Variants in EMILIN2 observed in about 807,000 individuals in gnomAD.
EMILIN2 encodes the protein elastin microfibril interfacer 2.
A neutral mutation model predicts 87.1 loss-of-function variants in EMILIN2; 71 were observed. The observed-to-expected ratio is 0.82, with a 90% CI of 0.67 to 0.99. The LOEUF (loss-of-function observed/expected upper bound fraction) is 0.99. EMILIN2 is among the 50% of genes least tolerant of loss of function. EMILIN2 has a pLI of 0.00. For missense variants in EMILIN2, 1,407 were observed against 1,371.8 expected (o/e 1.03, Z -0.40); for synonymous variants, 581 against 563.4 (o/e 1.03, Z -0.44).
At chr18:2,885,171 C>G (rs368143576) in intron 3 of EMILIN2, 32 bp downstream of exon 3, 2 of 1,540,232 alleles carry the variant, frequency 1.3e-6, no homozygotes, top group East Asian at 4.6e-5. Flanking sequence ...TATGTATGGC[C>G]ACCTTTAATA....
In EMILIN2 at chr18:2,907,078, C is replaced by T; in HGVS notation, c.2655C>T (p.Gly885=). ...TCCCCGGCGCAGAAGGCTTCGCGGGCGCACCAGGTGAGGCCCGGGGCTGCG... is the reference window on the plus strand; with the variant it reads ...TCCCCGGCGCAGAAGGCTTCGCGGGTGCACCAGGTGAGGCCCGGGGCTGCG... ...GTVPGAEGFA[G]APGYPKSPPV... is the part of the protein sequence containing the mutation. The change falls in exon 5 of 8, where the codon GGC becomes GGT. Residue 885 remains glycine (G), a synonymous_variant. Coordinates refer to ENST00000254528, the MANE Select transcript of EMILIN2 (RefSeq NM_032048.3). 1.6e-6 allele frequency: 2 copies of T among 1,253,272 alleles called. No individual in the cohort carries two copies. Among genetic ancestry groups the T allele is most frequent in the South Asian group, 3.3e-5 (1 of 30,490 alleles). 77.6% of individuals were successfully genotyped at this position (1,253,272 alleles called of 1,614,324 possible). A position where few individuals can be genotyped will look rare whatever the true frequency, so the allele number is the denominator to read the frequency against.
chr18:2,889,692 CTTT>C (rs34248672), intron 3 of EMILIN2, among the ~76,000 whole-genome samples: 8 of 96,656 alleles, frequency 8.3e-5, no homozygotes, highest in African/African-American at 1.2e-4. Flanking sequence ...TTTTTCTTTT[CTTT>C]TTTTTTTTTT....
intron 5 of EMILIN2, among the ~76,000 whole-genome samples, 156 bp from the exon 6 acceptor site, chr18:2,908,784 AAGG>A (rs1640957519): frequency 6.6e-6 from 1 of 152,130 alleles, no homozygotes; most frequent in Non-Finnish European, 1.5e-5. Flanking sequence ...CCTCTGCTTG[AAGG>A]AGGGCAGTGA....
intron 2 of EMILIN2, among the ~76,000 whole-genome samples, chr18:2,868,791 A>G (rs1012866712): frequency 6.6e-6 from 1 of 152,106 alleles, no homozygotes; most frequent in Non-Finnish European, 1.5e-5. Context: ...CCGTGGAAAG[A>G]GGAGAGGGAG....
chr18:2,874,658 A>T (rs2076738651), intron 2 of EMILIN2, among the ~76,000 whole-genome samples: 1 of 152,226 alleles, frequency 6.6e-6, no homozygotes, highest in African/African-American at 2.4e-5. Context: ...ATACTGTGTT[A>T]GCCTGGACTA....
At chr18:2,909,875 G>A in intron 7 of EMILIN2, 56 bp downstream of exon 7, 1 of 1,585,882 alleles carries the variant, frequency 6.3e-7, no homozygotes, top group Admixed American at 1.9e-5. Context: ...ACGCAGGTGG[G>A]ACCCCTCCCA....
Position 2,847,471 on chromosome 18 carries a change from C to G in EMILIN2, c.134+149C>G. 1 of 981,346 alleles carries G rather than the reference C, an allele frequency of 1.0e-6. No individual in the cohort carries two copies. Among genetic ancestry groups the G allele is most frequent in the Non-Finnish European group, 1.3e-6 (1 of 749,248 alleles). 60.8% of individuals were successfully genotyped at this position (981,346 alleles called of 1,614,324 possible). A position where few individuals can be genotyped will look rare whatever the true frequency, so the allele number is the denominator to read the frequency against. On this transcript the variant is annotated intron_variant, in intron 1 of 7. Transcript: ENST00000254528. This position sits in a 1 kb window ranked among gnomAD's most constrained non-coding sequence, Gnocchi z 4.5. ...GCGGCTCCCTCTGCGGGGGACCGCG[C>G]GCTCCGCAGCCGGCGCCTCAGGCAG...
chr18:2,869,715 G>C (rs1324121566), intron 2 of EMILIN2, among the ~76,000 whole-genome samples: 2 of 151,932 alleles, frequency 1.3e-5, no homozygotes, highest in Non-Finnish European at 2.9e-5. Context: ...CTCCAGGTGT[G>C]TGCCACTGCA....
At chr18:2,909,866 C>A in intron 7 of EMILIN2, 47 bp downstream of exon 7, 1 of 1,593,750 alleles carries the variant, frequency 6.3e-7, no homozygotes, top group East Asian at 2.3e-5. Flanking sequence ...CCTACCCCAA[C>A]GCAGGTGGGA....
chr18:2,901,783 G>A (rs979976300), intron 4 of EMILIN2, among the ~76,000 whole-genome samples: 2 of 152,262 alleles, frequency 1.3e-5, no homozygotes, highest in Non-Finnish European at 2.9e-5. Flanking sequence ...TCCAGCCTTT[G>A]TTAGGACTTG....
chr18:2,912,366 C>T (rs746890433), intron 7 of EMILIN2, among the ~76,000 whole-genome samples: 4 of 152,102 alleles, frequency 2.6e-5, no homozygotes, highest in Non-Finnish European at 5.9e-5. Context: ...AGCTCCTGGG[C>T]CCTCCGCTTT....
At chr18:2,904,016 TGGCA>T (rs2076899365) in intron 4 of EMILIN2, among the ~76,000 whole-genome samples, 1 of 152,252 alleles carries the variant, frequency 6.6e-6, no homozygotes, top group African/African-American at 2.4e-5. Context: ...GCGTGAGAGA[TGGCA>T]TTTTATAATT....
In EMILIN2 at chr18:2,913,462, A is replaced by T. The variant is rs914065655; in HGVS notation, c.*58A>T. 3 of 1,386,974 alleles carry T rather than the reference A, an allele frequency of 2.2e-6. No individual in the cohort carries two copies. Among genetic ancestry groups the T allele is most frequent in the Non-Finnish European group, 2.9e-6 (3 of 1,018,956 alleles). The allele number at this position is 1,386,974 out of a possible 1,614,324, so 85.9% of individuals were successfully genotyped here. ...TAGTTGTAAAAACTCTAAAGCTTTAATATATTCGGTTTGTATGTAATGGAA... is the reference window on the plus strand; with the variant it reads ...TAGTTGTAAAAACTCTAAAGCTTTATTATATTCGGTTTGTATGTAATGGAA... On this transcript the variant is annotated 3_prime_UTR_variant, in exon 8 of 8. Transcript: ENST00000254528.
At chr18:2,895,822 C>T (rs655241) in intron 4 of EMILIN2, among the ~76,000 whole-genome samples, 152,045 of 152,366 alleles carry the variant, frequency 1, 75,864 homozygotes, top group Middle Eastern at 1. Flanking sequence ...TGAAGGGTGA[C>T]GTGGCTGGTA....
intron 2 of EMILIN2, among the ~76,000 whole-genome samples, chr18:2,870,217 C>CG (rs1568461379): frequency 6.6e-6 from 1 of 152,056 alleles, no homozygotes; most frequent in African/African-American, 2.4e-5. Flanking sequence ...CTCCAGCCTA[C>CG]GTGACAGACC....
intron 2 of EMILIN2, among the ~76,000 whole-genome samples, chr18:2,858,561 ATATATATATGTGTGTGTGTGTG>A (rs2076641912): frequency 3.0e-5 from 2 of 67,396 alleles, no homozygotes; most frequent in Middle Eastern, 7.2e-3. Context: ...ATATATATAT[ATATATATATGTGTGTGTGTGTG>A]TATATATATA....
intron 2 of EMILIN2, among the ~76,000 whole-genome samples, chr18:2,856,622 T>G (rs2143958388): frequency 6.6e-6 from 1 of 152,332 alleles, no homozygotes. Flanking sequence ...ACATCCTGTC[T>G]TTAAAAATCA....
rs1057407527 is a variant in EMILIN2 at position 2,905,967 on chromosome 18, G to A, written c.2360-816G>A. ...ACAAAACTAGACGGCAGGTCGGGAG[G>A]CAGCCGCCGATTTTTGTCGGGTCCT... On this transcript the variant is annotated intron_variant, in intron 4 of 7. Coordinates refer to ENST00000254528, the MANE Select transcript of EMILIN2 (RefSeq NM_032048.3). Among the ~76,000 whole-genome samples the A allele has an allele frequency of 7.2e-5, 11 of 152,202 alleles. No homozygotes were observed. In the East Asian group the frequency reaches 1.5e-3, roughly 21 times the overall value.
chr18:2,897,794 T>C (rs1184333900), intron 4 of EMILIN2, among the ~76,000 whole-genome samples: 1 of 151,184 alleles, frequency 6.6e-6, no homozygotes, highest in African/African-American at 2.4e-5. Context: ...CCCAGGAGTC[T>C]GAGGCTGCAG....
Sources: gnomAD v4.1 joint callset for allele counts (sites outside exome capture counted in the v4.1 genomes callset) on GRCh38, gnomAD v4.1.1 for gene constraint, Gnocchi (gnomAD v3.1) non-coding constraint, MANE v1.5 for transcripts, NCBI Gene and HGNC (gene_info 2026-07-23, HGNC 2026-07-21) for gene names.